The following PALM2AKAP2 variants were observed in gnomAD, a reference collection of about 807,000 sequenced individuals.
The protein encoded by PALM2AKAP2 is PALM2 and AKAP2 fusion, also known as PALM2-AKAP2 fusion protein.
A neutral mutation model predicts 71.5 loss-of-function variants in PALM2AKAP2; 37 were observed. The observed-to-expected ratio is 0.52, with a 90% CI of 0.40 to 0.68. PALM2AKAP2 has a LOEUF of 0.68. PALM2AKAP2 is among the 30% of genes least tolerant of loss of function. The pLI is 0.00. For synonymous variants in PALM2AKAP2, 468 were observed against 478.8 expected, an observed-to-expected ratio of 0.98 and a Z score of 0.29; for missense variants, 1,224 against 1,191.8, an observed-to-expected ratio of 1.03 and a Z score of -0.40.
intron 1 of PALM2AKAP2, among the ~76,000 whole-genome samples, chr9:110,075,443 TATAG>T (rs1834298899): frequency 1.3e-5 from 2 of 152,178 alleles, no homozygotes. Context: ...GCATGCTTAT[TATAG>T]AAATGTAGAC....
At chr9:110,112,701 G>A (rs953898130) in intron 1 of PALM2AKAP2, among the ~76,000 whole-genome samples, 1 of 152,184 alleles carries the variant, frequency 6.6e-6, no homozygotes, top group African/African-American at 2.4e-5. Flanking sequence ...TCTACAAGAG[G>A]CAAGATAGTG....
intron 1 of PALM2AKAP2, among the ~76,000 whole-genome samples, chr9:109,837,685 T>C (rs1328238405): frequency 1.3e-5 from 2 of 152,006 alleles, no homozygotes; most frequent in Non-Finnish European, 2.9e-5. Flanking sequence ...TGGGGGAAGA[T>C]CTACCAAGGA....
chr9:109,748,862 C>T (rs1199234515), intron 1 of PALM2AKAP2, among the ~76,000 whole-genome samples: 1 of 152,164 alleles, frequency 6.6e-6, no homozygotes, highest in African/African-American at 2.4e-5. Flanking sequence ...CATCTTCTCC[C>T]TGTGTCTTCA....
At chr9:110,079,569 T>G (rs1834397322) in intron 1 of PALM2AKAP2, among the ~76,000 whole-genome samples, 1 of 152,020 alleles carries the variant, frequency 6.6e-6, no homozygotes. Flanking sequence ...CCACAAGGAA[T>G]AGTGTGGAAA....
intron 1 of PALM2AKAP2, among the ~76,000 whole-genome samples, chr9:109,657,714 G>C (rs1587856480): frequency 6.6e-6 from 1 of 152,264 alleles, no homozygotes; most frequent in East Asian, 1.9e-4. Context: ...AGCTCAGGTA[G>C]AGGCAATGAT....
At chr9:109,799,766 A>G (rs1827368860) in intron 1 of PALM2AKAP2, among the ~76,000 whole-genome samples, 1 of 152,170 alleles carries the variant, frequency 6.6e-6, no homozygotes, top group Non-Finnish European at 1.5e-5. Context: ...AAGTGTTGGG[A>G]TTACAGGCAT....
At chr9:110,089,548 A>G (rs1190640385) in intron 1 of PALM2AKAP2, among the ~76,000 whole-genome samples, 1 of 152,214 alleles carries the variant, frequency 6.6e-6, no homozygotes, top group Non-Finnish European at 1.5e-5. Flanking sequence ...TAAAGACAGG[A>G]CAATGTTTAA....
intron 1 of PALM2AKAP2, among the ~76,000 whole-genome samples, chr9:110,078,651 A>G (rs2118671256): frequency 6.6e-6 from 1 of 152,364 alleles, no homozygotes; most frequent in Non-Finnish European, 1.5e-5. Flanking sequence ...AATTTCCAAT[A>G]AAAACTCTGG....
rs138613451 is a variant in PALM2AKAP2 at position 109,686,192 on chromosome 9, A to G, written c.5+45326A>G. On this transcript the variant is annotated intron_variant, in intron 1 of 6. Coordinates refer to the PALM2AKAP2 transcript ENST00000374531. Reference sequence around the variant, plus strand: ...TCTCAAAGTCATTTACGAGGGTTGGAATCAACCTCTTCCAAACTCCCATTA... The same window carrying G: ...TCTCAAAGTCATTTACGAGGGTTGGGATCAACCTCTTCCAAACTCCCATTA... Among the ~76,000 whole-genome samples, 180 of 152,342 alleles carry G rather than the reference A, an allele frequency of 1.2e-3. 1 individual carries two copies. The highest frequency in any genetic ancestry group is 4.1e-3 in the African/African-American group (169 of 41,580).
chr9:109,998,631 G>A (rs1832619297), intron 6 of PALM2AKAP2, among the ~76,000 whole-genome samples: 1 of 140,284 alleles, frequency 7.1e-6, no homozygotes, highest in Non-Finnish European at 1.6e-5. Context: ...CAGGGCGGGG[G>A]AGTGGGGAGC....
At chr9:109,733,697 T>C (rs1255909489) in intron 1 of PALM2AKAP2, among the ~76,000 whole-genome samples, 3 of 152,236 alleles carry the variant, frequency 2.0e-5, no homozygotes, top group Non-Finnish European at 4.4e-5. Context: ...ATGTAATTTT[T>C]CCCTCAATTT....
rs1213195298 is a variant in PALM2AKAP2, at chr9:109,667,928, GTTTTTTTTTTTT to G, written c.5+27077_5+27088del. On this transcript the variant is annotated intron_variant, in intron 1 of 6. Transcript: ENST00000374531. Reference sequence around the variant, plus strand: ...AATACCTTTGAAAATGATGGCTTTGGTTTTTTTTTTTTTTTTTTTTTTTTTTGAGACGGAGTC... The same window carrying G: ...AATACCTTTGAAAATGATGGCTTTGGTTTTTTTTTTTTTTGAGACGGAGTC... Among the ~76,000 whole-genome samples, 29 of 56,612 alleles carry G rather than the reference GTTTTTTTTTTTT, an allele frequency of 5.1e-4. 3 individuals carry two copies. Among genetic ancestry groups the G allele is most frequent in the South Asian group, 1.1e-3 (2 of 1,840 alleles). 37.1% of individuals were successfully genotyped at this position (56,612 alleles called of 152,430 possible). A position where few individuals can be genotyped will look rare whatever the true frequency, so the allele number is the denominator to read the frequency against.
intron 3 of PALM2AKAP2, among the ~76,000 whole-genome samples, chr9:110,166,855 C>T (rs966157401): frequency 2.6e-5 from 4 of 152,146 alleles, no homozygotes; most frequent in African/African-American, 7.2e-5. Context: ...AACTGCATCT[C>T]CTTGCTTCTC....
chr9:109,834,562 A>G (rs1245459650), intron 1 of PALM2AKAP2, among the ~76,000 whole-genome samples: 1 of 151,948 alleles, frequency 6.6e-6, no homozygotes, highest in African/African-American at 2.4e-5. Context: ...ATTGCCTTGG[A>G]AAATACAGGG....
chr9:109,691,921 T>G (rs1459459140), intron 1 of PALM2AKAP2, among the ~76,000 whole-genome samples: 1 of 123,284 alleles, frequency 8.1e-6, no homozygotes, highest in East Asian at 2.1e-4. Flanking sequence ...CATATATATA[T>G]ATACACATAT....
intron 6 of PALM2AKAP2, among the ~76,000 whole-genome samples, chr9:109,956,784 G>A (rs999982987): frequency 2.0e-5 from 3 of 152,154 alleles, no homozygotes; most frequent in Non-Finnish European, 2.9e-5. Flanking sequence ...ATAATCAGAT[G>A]GGAGTGAAAG....
chr9:110,059,109 A>G (rs1472277882), intron 1 of PALM2AKAP2, among the ~76,000 whole-genome samples: 1 of 152,144 alleles, frequency 6.6e-6, no homozygotes, highest in East Asian at 1.9e-4. Context: ...CATGTTTGCC[A>G]GGCTGGTCTC....
At chr9:110,116,321 TA>T (rs201905152) in intron 1 of PALM2AKAP2, among the ~76,000 whole-genome samples, 3,733 of 152,122 alleles carry the variant, frequency 0.025, 173 homozygotes, top group African/African-American at 0.086. Flanking sequence ...TTTAAAATAC[TA>T]AAAGAAAAAA....
chr9:109,799,676 T>C (rs561112194), intron 1 of PALM2AKAP2, among the ~76,000 whole-genome samples: 15 of 152,106 alleles, frequency 9.9e-5, no homozygotes, highest in Non-Finnish European at 1.8e-4. Flanking sequence ...TTGTATTTTT[T>C]GTAGAGATGG....
Sources: allele counts gnomAD v4.1 joint callset (sites outside exome capture counted in the v4.1 genomes callset), GRCh38; gene constraint gnomAD v4.1.1; transcripts MANE v1.5; gene names NCBI Gene and HGNC (gene_info 2026-07-23, HGNC 2026-07-21).